RXRA: variants seen among roughly 807,000 people sequenced by gnomAD.
The protein encoded by RXRA is retinoic acid receptor RXR-alpha.
Under a neutral mutation model 44.5 loss-of-function variants are expected in RXRA, and 5 were observed. The observed-to-expected ratio is 0.11, with a 90% confidence interval of 0.06 to 0.24. The LOEUF (loss-of-function observed/expected upper bound fraction) is 0.24, where lower values mean the gene tolerates loss of function less well. RXRA is among the 10% of genes least tolerant of loss of function. The pLI, the probability that RXRA is intolerant of heterozygous loss-of-function variation, is 1.00. For missense variants in RXRA, 412 were observed against 646.5 expected (o/e 0.64, Z 3.93); for synonymous variants, 291 against 271.4 (o/e 1.07, Z -0.71).
chr9:134,412,390 C>T (rs34259335), intron 4 of RXRA, among the ~76,000 whole-genome samples: 1,755 of 152,314 alleles, frequency 0.012, 30 homozygotes, highest in African/African-American at 0.038. Context: ...TGCAGTGCTG[C>T]GAGGGAGTCG....
Position 134,420,443 on chromosome 9 carries a change from C to T in RXRA, c.781-1233C>T, listed in dbSNP as rs190624930. Among the ~76,000 whole-genome samples the T allele has an allele frequency of 5.9e-5, 9 of 152,306 alleles. No homozygotes were observed. The East Asian group carries it at 1.7e-3, about 29-fold the overall frequency. On this transcript the variant is annotated intron_variant, in intron 5 of 9. Coordinates refer to ENST00000481739, the MANE Select transcript of RXRA (RefSeq NM_002957.6). ...GGTCAACCCCACTCAGCCGAGGGAT[C>T]CCACCCCTGTGTATACCCCTTCTGG...
At chr9:134,410,930 G>A (rs1056739376) in intron 4 of RXRA, among the ~76,000 whole-genome samples, 4 of 152,220 alleles carry the variant, frequency 2.6e-5, no homozygotes, top group Non-Finnish European at 4.4e-5. Flanking sequence ...ATAACCAGGG[G>A]GGGCCCAGGG....
chr9:134,340,615 G>A (rs373333695), intron 1 of RXRA, among the ~76,000 whole-genome samples: 6 of 152,342 alleles, frequency 3.9e-5, no homozygotes, highest in African/African-American at 1.4e-4. Context: ...CACCCAGGCA[G>A]ACGGTCTCGG....
At chr9:134,350,443 C>T (rs147699771) in intron 1 of RXRA, among the ~76,000 whole-genome samples, 15 of 152,290 alleles carry the variant, frequency 9.8e-5, no homozygotes, top group Non-Finnish European at 2.2e-4. Flanking sequence ...TAGCCACCTG[C>T]GTGGCGTGCT....
chr9:134,410,707 G>T (rs963259478), intron 4 of RXRA, among the ~76,000 whole-genome samples: 11 of 126,772 alleles, frequency 8.7e-5, no homozygotes, highest in Admixed American at 3.6e-4. Context: ...GGCTGGAGCT[G>T]GGGGGGGAAG....
chr9:134,364,381 G>A (rs1307736094), intron 1 of RXRA, among the ~76,000 whole-genome samples: 4 of 152,218 alleles, frequency 2.6e-5, no homozygotes, highest in Non-Finnish European at 5.9e-5. Flanking sequence ...TTGATGGGCA[G>A]CTGACCCTCA....
At chr9:134,394,254 A>G (rs368590304) in intron 1 of RXRA, among the ~76,000 whole-genome samples, 624 of 30,556 alleles carry the variant, frequency 0.02, 50 homozygotes, top group African/African-American at 0.057. Context: ...GACGGTGGTG[A>G]TGATGACGGT....
At chr9:134,375,401 G>T (rs567719692) in intron 1 of RXRA, among the ~76,000 whole-genome samples, 64 of 152,272 alleles carry the variant, frequency 4.2e-4, no homozygotes, top group Non-Finnish European at 8.8e-4. Context: ...GGTCTGAGGG[G>T]GGATGCTCTT....
In RXRA at chr9:134,394,170, A is replaced by G. The variant is rs376582620; in HGVS notation, c.29-7462A>G. 3.8e-3 allele frequency among the ~76,000 whole-genome samples: 8 copies of G among 2,088 alleles called. 4 individuals are homozygous for G. The highest frequency in any genetic ancestry group is 5.4e-3 in the Non-Finnish European group (6 of 1,106). The allele number at this position is 2,088 out of a possible 152,430, so 1.4% of individuals were successfully genotyped here. ...GATGATGTTGGTGATGGTGGTGATC[A>G]TGGTGGTGATGATGACTGATGATGT... On this transcript the variant is annotated intron_variant, in intron 1 of 9. Transcript: ENST00000481739.
chr9:134,383,740 C>T (rs1302175442), intron 1 of RXRA, among the ~76,000 whole-genome samples: 1 of 152,114 alleles, frequency 6.6e-6, no homozygotes, highest in African/African-American at 2.4e-5. Flanking sequence ...AAGCTTCGAC[C>T]TGGGCTGCAT....
intron 1 of RXRA, among the ~76,000 whole-genome samples, chr9:134,378,635 G>T (rs1830594575): frequency 6.6e-6 from 1 of 152,244 alleles, no homozygotes; most frequent in Non-Finnish European, 1.5e-5. Flanking sequence ...CCAGCCTCAG[G>T]ACTGTGGCCA....
chr9:134,407,694 G>A lies in RXRA; in HGVS notation c.280-455G>A, dbSNP rs1045037730. Among the ~76,000 whole-genome samples, 4 of 152,172 alleles carry A rather than the reference G, an allele frequency of 2.6e-5. No homozygotes were observed. Among genetic ancestry groups the A allele is most frequent in the Admixed American group, 6.5e-5 (1 of 15,300 alleles). On this transcript the variant is annotated intron_variant, in intron 2 of 9. Coordinates refer to ENST00000481739, the MANE Select transcript of RXRA (RefSeq NM_002957.6). This position sits in a 1 kb window ranked among gnomAD's most constrained non-coding sequence, Gnocchi z 4.8. Reference sequence around the variant, plus strand: ...TTGGGGGGGTCCCCAGCCCTCCTCCGTCCTGGGAACTGGGCTTCGGCGTCC... The same window carrying A: ...TTGGGGGGGTCCCCAGCCCTCCTCCATCCTGGGAACTGGGCTTCGGCGTCC...
Position 134,421,726 on chromosome 9 carries a change from C to A in RXRA, c.831C>A (p.Phe277Leu). The A allele has an allele frequency of 6.3e-7, 1 of 1,585,010 alleles. No homozygotes were observed. The highest frequency in any genetic ancestry group is 8.6e-7 in the Non-Finnish European group (1 of 1,160,272). Reference protein sequence around the residue: ...NICQAADKQLFTLVEWAKRIP... With the variant: ...NICQAADKQLLTLVEWAKRIP... ...GCCAAGCAGCCGACAAACAGCTTTT[C>A]ACCCTGGTGGAGTGGGCCAAGCGGA... Residue 277 changes from phenylalanine to leucine, a missense_variant, in exon 6 of 10, where the codon TTC becomes TTA. Around this residue, in one of 4 missense-constraint regions of RXRA, gnomAD observed 141 missense variants for 270.8 expected, o/e 0.52. Coordinates refer to ENST00000481739, the MANE Select transcript of RXRA (RefSeq NM_002957.6).
At chr9:134,332,213 C>T (rs1554746740) in intron 1 of RXRA, among the ~76,000 whole-genome samples, 1 of 152,214 alleles carries the variant, frequency 6.6e-6, no homozygotes, top group African/African-American at 2.4e-5. Flanking sequence ...TGTGGCTTGC[C>T]CACCTCCTCA....
chr9:134,383,617 A>C (rs73663470), intron 1 of RXRA, among the ~76,000 whole-genome samples: 11,912 of 152,096 alleles, frequency 0.078, 525 homozygotes, highest in African/African-American at 0.12. Flanking sequence ...TCCCCGCCCC[A>C]CTCTGGGAAC....
At chr9:134,387,013 G>A (rs1830730195) in intron 1 of RXRA, among the ~76,000 whole-genome samples, 1 of 152,248 alleles carries the variant, frequency 6.6e-6, no homozygotes, top group Non-Finnish European at 1.5e-5. Context: ...GTGCCAGAGA[G>A]CAGCAGGGGG....
rs944031655 is a variant in RXRA, at chr9:134,429,260, G to A, written c.1043+20G>A. 3.1e-6 allele frequency: 5 copies of A among 1,605,090 alleles called. No homozygotes were observed. The African/African-American group carries it at 5.3e-5, about 17-fold the overall frequency. ...TGACAGGTGGGGGTGGTCCCGGGAG[G>A]GGCGAGGGCGCTTCGGTCACCTCCG... On this transcript the variant is annotated intron_variant, in intron 7 of 9. Coordinates refer to ENST00000481739, the MANE Select transcript of RXRA (RefSeq NM_002957.6).
Position 134,365,125 on chromosome 9 carries a change from C to T in RXRA, c.29-36507C>T, listed in dbSNP as rs1453012456. ...AGGAGGGGGCGGGGTGAGCCAATGGCTCCGGGGCCACCACAGAGGCGGCTG... is the reference window on the plus strand; with the variant it reads ...AGGAGGGGGCGGGGTGAGCCAATGGTTCCGGGGCCACCACAGAGGCGGCTG... On this transcript the variant is annotated intron_variant, in intron 1 of 9. Coordinates refer to ENST00000481739, the MANE Select transcript of RXRA (RefSeq NM_002957.6). This position sits in a 1 kb window ranked among gnomAD's most constrained non-coding sequence, Gnocchi z 4.0. Among the ~76,000 whole-genome samples, 1 of 152,214 alleles carries T rather than the reference C, an allele frequency of 6.6e-6. No homozygotes were observed. Among genetic ancestry groups the T allele is most frequent in the Non-Finnish European group, 1.5e-5 (1 of 68,028 alleles).
chr9:134,397,848 G>T (rs987041531), intron 1 of RXRA, among the ~76,000 whole-genome samples: 3 of 152,348 alleles, frequency 2.0e-5, no homozygotes, highest in African/African-American at 7.2e-5. Context: ...CTGTGTGTCT[G>T]CTGGCTCCCG....
Sources: gnomAD v4.1 joint callset for allele counts (sites outside exome capture counted in the v4.1 genomes callset) on GRCh38, gnomAD v4.1.1 for gene constraint, gnomAD v4.1.1 regional missense constraint, Gnocchi (gnomAD v3.1) non-coding constraint, MANE v1.5 for transcripts, NCBI Gene and HGNC (gene_info 2026-07-23, HGNC 2026-07-21) for gene names.